Variants in SPAG16 observed in about 807,000 individuals in gnomAD.
SPAG16 encodes the protein sperm associated antigen 16.
Under a neutral mutation model 80.4 loss-of-function variants are expected in SPAG16, and 86 were observed. The ratio of observed to expected loss-of-function variants is 1.07; its 90% confidence interval spans 0.90 to 1.28. The LOEUF (loss-of-function observed/expected upper bound fraction) is 1.28, where lower values mean the gene tolerates loss of function less well. SPAG16 is among the 50% of genes most tolerant of loss of function. SPAG16 has a pLI of 0.00. For synonymous variants in SPAG16, 294 were observed against 265.9 expected (o/e 1.11, Z -1.03); for missense variants, 870 against 765.3 (o/e 1.14, Z -1.61).
At chr2:214,296,654 T>C (rs1260724818) in intron 15 of SPAG16, among the ~76,000 whole-genome samples, 1 of 152,222 alleles carries the variant, frequency 6.6e-6, no homozygotes, top group Non-Finnish European at 1.5e-5. Context: ...TGTTTACCTT[T>C]TATTACATGT....
chr2:213,637,084 G>A (rs1339032184), intron 10 of SPAG16, among the ~76,000 whole-genome samples: 1 of 152,178 alleles, frequency 6.6e-6, no homozygotes, highest in Non-Finnish European at 1.5e-5. Flanking sequence ...AATGTTGGCT[G>A]TGGGTTTGTC....
chr2:213,753,619 A>T (rs192629170), intron 10 of SPAG16, among the ~76,000 whole-genome samples: 121 of 152,348 alleles, frequency 7.9e-4, no homozygotes, highest in Non-Finnish European at 1.1e-3. Context: ...AGGAAACTGT[A>T]AACAGGTGGA....
chr2:213,869,310 A>G (rs2075855717), intron 11 of SPAG16, among the ~76,000 whole-genome samples: 1 of 83,340 alleles, frequency 1.2e-5, no homozygotes, highest in African/African-American at 3.4e-5. Flanking sequence ...TATATATAAT[A>G]TGTATACACA....
At chr2:213,775,723 A>G (rs1253185592) in intron 10 of SPAG16, among the ~76,000 whole-genome samples, 2 of 152,206 alleles carry the variant, frequency 1.3e-5, no homozygotes, top group Non-Finnish European at 2.9e-5. Context: ...GTTATAACAT[A>G]GTATTTGTTC....
chr2:214,351,112 G>T (rs1698374730), intron 15 of SPAG16, among the ~76,000 whole-genome samples: 1 of 152,086 alleles, frequency 6.6e-6, no homozygotes, highest in Non-Finnish European at 1.5e-5. Flanking sequence ...CACTAGAATA[G>T]ATTTTATTGT....
chr2:213,979,129 G>A (rs547182558), intron 12 of SPAG16, among the ~76,000 whole-genome samples: 14 of 152,168 alleles, frequency 9.2e-5, no homozygotes, highest in African/African-American at 3.4e-4. Flanking sequence ...CTGGTACAAT[G>A]TAGACAGGGT....
At chr2:214,049,353 C>T (rs1164906509) in intron 13 of SPAG16, among the ~76,000 whole-genome samples, 1 of 152,072 alleles carries the variant, frequency 6.6e-6, no homozygotes, top group Non-Finnish European at 1.5e-5. Flanking sequence ...ATTACCCAGA[C>T]TATAAACATG....
chr2:213,514,124 C>G (rs1460703527), intron 10 of SPAG16, among the ~76,000 whole-genome samples: 1 of 152,036 alleles, frequency 6.6e-6, no homozygotes, highest in African/African-American at 2.4e-5. Flanking sequence ...AGTGCCCAAA[C>G]AGGATTATAA....
intron 9 of SPAG16, among the ~76,000 whole-genome samples, chr2:213,484,163 G>C (rs2073875818): frequency 6.6e-6 from 1 of 151,926 alleles, no homozygotes; most frequent in Non-Finnish European, 1.5e-5. Context: ...AAACTATTTT[G>C]TTTTATATAA....
intron 10 of SPAG16, among the ~76,000 whole-genome samples, chr2:213,676,884 G>C (rs2064108768): frequency 6.6e-6 from 1 of 151,038 alleles, no homozygotes; most frequent in South Asian, 2.1e-4. Context: ...GTATCAGGAT[G>C]ATGCTGGCCT....
chr2:213,381,061 G>C (rs540447066), intron 9 of SPAG16, among the ~76,000 whole-genome samples: 1 of 120,422 alleles, frequency 8.3e-6, no homozygotes, highest in South Asian at 3.1e-4. Flanking sequence ...ATGAAGGAAT[G>C]GGTCCATAAA....
At chr2:214,387,565 C>G (rs1478627360) in intron 15 of SPAG16, among the ~76,000 whole-genome samples, 4 of 152,102 alleles carry the variant, frequency 2.6e-5, no homozygotes, top group African/African-American at 9.7e-5. Flanking sequence ...TAGAAATATT[C>G]AAAAGTGTGG....
chr2:214,284,182 G>A lies in SPAG16; in HGVS notation c.1721-125958G>A, dbSNP rs370942892. Among the ~76,000 whole-genome samples the A allele has an allele frequency of 1.1e-4, 17 of 152,250 alleles. No individual in the cohort carries two copies. The East Asian group carries it at 2.3e-3, about 21-fold the overall frequency. ...GTGAATATCCTCTGAAAGAGACTGC[G>A]TTATGAGAAAAAACACAAAGATTAT... is the stretch of plus-strand genomic sequence containing the variant. On this transcript the variant is annotated intron_variant, in intron 15 of 15. Transcript: ENST00000331683.
chr2:214,192,675 T>C (rs2057700640), intron 15 of SPAG16, among the ~76,000 whole-genome samples: 2 of 152,136 alleles, frequency 1.3e-5, no homozygotes, highest in South Asian at 2.1e-4. Flanking sequence ...TCTAATATTT[T>C]ATGGCATTTG....
rs142878681 is a variant in SPAG16, at chr2:214,197,247, A to C, written c.1720+47981A>C. On this transcript the variant is annotated intron_variant, in intron 15 of 15. Coordinates refer to ENST00000331683, the MANE Select transcript of SPAG16 (RefSeq NM_024532.5). ...CTTAAACACTGTTCAGTCATTTTGA[A>C]ATCTGTGAATAAATCTCAACATGTA... 1.4e-3 allele frequency among the ~76,000 whole-genome samples: 207 copies of C among 152,182 alleles called. 1 individual carries two copies. Among genetic ancestry groups the C allele is most frequent in the African/African-American group, 4.1e-3 (171 of 41,572 alleles).
intron 14 of SPAG16, among the ~76,000 whole-genome samples, chr2:214,135,727 C>G (rs1052387671): frequency 6.7e-6 from 1 of 148,766 alleles, no homozygotes; most frequent in Middle Eastern, 3.4e-3. Flanking sequence ...CTCTCTGTCT[C>G]TCTCTCTCTC....
At chr2:214,047,211 G>T (rs541940552) in intron 13 of SPAG16, among the ~76,000 whole-genome samples, 6 of 152,014 alleles carry the variant, frequency 3.9e-5, no homozygotes, top group Non-Finnish European at 8.8e-5. Flanking sequence ...AACCACAAAA[G>T]ACCTAGAATA....
chr2:214,039,242 G>A (rs1253727636), intron 13 of SPAG16, among the ~76,000 whole-genome samples: 2 of 152,106 alleles, frequency 1.3e-5, no homozygotes, highest in African/African-American at 4.8e-5. Context: ...ATTCTAACTG[G>A]TGTGAGATGG....
chr2:213,562,414 T>C (rs1181279885), intron 10 of SPAG16, among the ~76,000 whole-genome samples: 5 of 152,212 alleles, frequency 3.3e-5, no homozygotes, highest in Admixed American at 3.3e-4. Flanking sequence ...CTCCTCTTTT[T>C]CTGGAAAATA....
Sources: allele counts gnomAD v4.1 joint callset (sites outside exome capture counted in the v4.1 genomes callset), GRCh38; gene constraint gnomAD v4.1.1; transcripts MANE v1.5; gene names NCBI Gene and HGNC (gene_info 2026-07-23, HGNC 2026-07-21).